The following ADK variants were observed in gnomAD, a reference collection of about 807,000 sequenced individuals.
ADK encodes the protein adenosine kinase.
ADK carries 24 observed loss-of-function variants against 44.7 expected under a neutral mutation model. That is an observed-to-expected ratio of 0.54 (90% CI 0.39 to 0.76). The LOEUF (loss-of-function observed/expected upper bound fraction) is 0.76. ADK is among the 30% of genes least tolerant of loss of function. ADK has a pLI of 0.00. For missense variants in ADK, 321 were observed against 425.1 expected, an observed-to-expected ratio of 0.76 and a Z score of 2.15; for synonymous variants, 128 against 142.6, an observed-to-expected ratio of 0.90 and a Z score of 0.73.
At chr10:74,646,694 G>A (rs1417111094) in intron 9 of ADK, among the ~76,000 whole-genome samples, 3 of 152,188 alleles carry the variant, frequency 2.0e-5, no homozygotes, top group Admixed American at 2.0e-4. Flanking sequence ...ATCAAGTGCA[G>A]TCTTCAGGCT....
chr10:74,160,406 C>A (rs1167975417), intron 1 of ADK, among the ~76,000 whole-genome samples: 1 of 152,190 alleles, frequency 6.6e-6, no homozygotes, highest in Non-Finnish European at 1.5e-5. Flanking sequence ...GGCATACTGC[C>A]TATGGGGTAG....
At chr10:74,277,897 G>A (rs1846765634) in intron 3 of ADK, among the ~76,000 whole-genome samples, 1 of 151,898 alleles carries the variant, frequency 6.6e-6, no homozygotes, top group Non-Finnish European at 1.5e-5. Flanking sequence ...ATGTATATTT[G>A]ATAAAAATAT....
At chr10:74,631,285 T>A (rs1026289092) in intron 9 of ADK, among the ~76,000 whole-genome samples, 1 of 151,754 alleles carries the variant, frequency 6.6e-6, no homozygotes. Flanking sequence ...TTTATTTTTT[T>A]TTTTTTGAGA....
chr10:74,460,139 C>T (rs547913183), intron 6 of ADK, among the ~76,000 whole-genome samples: 81 of 152,274 alleles, frequency 5.3e-4, no homozygotes, highest in African/African-American at 1.7e-3. Context: ...TTCACCCTAA[C>T]GGCAAAAGGG....
chr10:74,301,108 A>G (rs1308531017), intron 3 of ADK, among the ~76,000 whole-genome samples: 1 of 152,230 alleles, frequency 6.6e-6, no homozygotes, highest in African/African-American at 2.4e-5. Context: ...TATTGGATTT[A>G]TATCAGTATT....
At chr10:74,237,492 A>G (rs1459802550) in intron 3 of ADK, among the ~76,000 whole-genome samples, 1 of 151,466 alleles carries the variant, frequency 6.6e-6, no homozygotes, top group Non-Finnish European at 1.5e-5. Flanking sequence ...CTTCTTCCAA[A>G]CTCCTGTTAA....
intron 7 of ADK, among the ~76,000 whole-genome samples, chr10:74,554,330 C>T (rs1322069908): frequency 2.0e-5 from 3 of 152,126 alleles, no homozygotes; most frequent in African/African-American, 7.2e-5. Context: ...AGAGCTAATG[C>T]TTATTCTGAC....
Position 74,479,543 on chromosome 10 carries a change from C to A in ADK, c.556-45713C>A, listed in dbSNP as rs565335263. Among the ~76,000 whole-genome samples, 15 of 152,064 alleles carry A rather than the reference C, an allele frequency of 9.9e-5. 2 individuals are homozygous for A. The highest frequency in any genetic ancestry group is 3.4e-4 in the African/African-American group (14 of 41,500). On this transcript the variant is annotated intron_variant, in intron 6 of 10. Transcript: ENST00000539909. ...AATATACTTTCATGTCAATAAGCTG[C>A]TGATATATTTGGCCTCAAACCTGTC...
At chr10:74,527,389 A>C (rs1849095204) in intron 7 of ADK, among the ~76,000 whole-genome samples, 1 of 152,132 alleles carries the variant, frequency 6.6e-6, no homozygotes. Flanking sequence ...AAAAAAACAT[A>C]AATATGATTC....
rs1853553354 is a variant in ADK at position 74,634,463 on chromosome 10, C to G, written c.877+33970C>G. Among the ~76,000 whole-genome samples, 3 of 151,996 alleles carry G rather than the reference C, an allele frequency of 2.0e-5. No homozygotes were observed. The South Asian group carries it at 6.2e-4, about 32-fold the overall frequency. On this transcript the variant is annotated intron_variant, in intron 9 of 10. Transcript: ENST00000539909. ...TCGATCTCCTGACCTCGGGATCCGC[C>G]CGGCCTCCCAAAGTGCTGGGATTAC...
chr10:74,225,633 G>A (rs1162313197), intron 3 of ADK, among the ~76,000 whole-genome samples: 1 of 152,114 alleles, frequency 6.6e-6, no homozygotes, highest in Non-Finnish European at 1.5e-5. Flanking sequence ...TAAAATGGCA[G>A]GACCAATGTT....
chr10:74,392,592 C>T (rs1843372720), intron 4 of ADK, among the ~76,000 whole-genome samples: 2 of 151,924 alleles, frequency 1.3e-5, no homozygotes, highest in South Asian at 4.2e-4. Flanking sequence ...AATAAGTTGC[C>T]TTTTCACTCT....
intron 6 of ADK, among the ~76,000 whole-genome samples, chr10:74,405,900 C>A (rs1564702972): frequency 6.6e-6 from 1 of 151,976 alleles, no homozygotes; most frequent in Non-Finnish European, 1.5e-5. Context: ...ATGTTTCTTT[C>A]CCAGGTACTG....
intron 3 of ADK, among the ~76,000 whole-genome samples, chr10:74,239,500 C>T (rs576427131): frequency 1.3e-5 from 2 of 151,962 alleles, no homozygotes; most frequent in South Asian, 4.2e-4. Context: ...CACTTGAGCC[C>T]AGCAGTTCGA....
chr10:74,216,153 T>C (rs1203193576), intron 2 of ADK, among the ~76,000 whole-genome samples: 1 of 152,196 alleles, frequency 6.6e-6, no homozygotes, highest in Admixed American at 6.5e-5. Context: ...TAAGTTATAT[T>C]TTGCCTGTAA....
chr10:74,605,034 GCT>G (rs959033425), intron 9 of ADK, among the ~76,000 whole-genome samples: 1 of 151,968 alleles, frequency 6.6e-6, no homozygotes. Flanking sequence ...TCATGATTTG[GCT>G]CTCTGTTTGT....
At chr10:74,665,109 A>G (rs1854899290) in intron 9 of ADK, among the ~76,000 whole-genome samples, 1 of 152,186 alleles carries the variant, frequency 6.6e-6, no homozygotes, top group Non-Finnish European at 1.5e-5. Flanking sequence ...TGTTATATAT[A>G]TGGGAGGAAT....
intron 3 of ADK, among the ~76,000 whole-genome samples, chr10:74,247,386 G>A (rs946215463): frequency 6.6e-6 from 1 of 151,580 alleles, no homozygotes; most frequent in Non-Finnish European, 1.5e-5. Context: ...CTACAGGCAC[G>A]TGCCACCATG....
intron 3 of ADK, among the ~76,000 whole-genome samples, chr10:74,276,211 A>G (rs987816147): frequency 2.6e-5 from 4 of 152,200 alleles, no homozygotes; most frequent in Admixed American, 1.3e-4. Flanking sequence ...TCTGTTGTGT[A>G]ATATGGGCCC....
Sources: gnomAD v4.1 joint callset for allele counts (sites outside exome capture counted in the v4.1 genomes callset) on GRCh38, gnomAD v4.1.1 for gene constraint, MANE v1.5 for transcripts, NCBI Gene and HGNC (gene_info 2026-07-23, HGNC 2026-07-21) for gene names.